The following CFAP57 variants were observed in gnomAD, a reference collection of about 807,000 sequenced individuals.
The protein encoded by CFAP57 is cilia and flagella associated protein 57, also known as cilia- and flagella-associated protein 57.
A neutral mutation model predicts 146.8 loss-of-function variants in CFAP57; 116 were observed. That is an observed-to-expected ratio of 0.79 (90% CI 0.68 to 0.92). CFAP57 has a LOEUF of 0.92. Ranked by LOEUF, CFAP57 falls within the 40% of genes least tolerant of loss-of-function variation. CFAP57 has a pLI of 0.00. For synonymous variants in CFAP57, 518 were observed against 552.8 expected (o/e 0.94, Z 0.88); for missense variants, 1,377 against 1,527.2 (o/e 0.90, Z 1.64).
At position 43,254,160 on chromosome 1, in the gene CFAP57, C is replaced by A. The variant is rs537854344; in HGVS notation, c.3722C>A (p.Ser1241Tyr). Residue 1241 changes from serine to tyrosine, a missense_variant, in exon 23 of 23, where the codon TCC becomes TAC. Transcript: ENST00000372492. ...AGVRLPSLSN[S>Y]EVDLEVKTN is the part of the protein sequence containing the mutation. ...GTTCGGCTTCCTTCCCTCTCCAACT[C>A]CGAGGTAGACTTAGAGGTGAAGACC... is the stretch of plus-strand genomic sequence containing the variant. 6.4e-7 allele frequency: 1 copy of A among 1,550,486 alleles called. No homozygotes were observed. The highest frequency in any genetic ancestry group is 1.4e-5 in the African/African-American group (1 of 73,148).
At chr1:43,207,177 T>C (rs1644394528) in intron 10 of CFAP57, among the ~76,000 whole-genome samples, 1 of 152,242 alleles carries the variant, frequency 6.6e-6, no homozygotes. Context: ...TTCATTTCCC[T>C]TTTACTTGCT....
chr1:43,254,351 T>G lies in CFAP57; in HGVS notation c.*160T>G. On this transcript the variant is annotated 3_prime_UTR_variant, in exon 23 of 23. Transcript: ENST00000372492. The stretch of plus-strand genomic sequence containing the variant: ...ATTTGGGACACAGAATAAAGGTGTT[T>G]GCCCACACCTTGTCTAACTTCTGCT... 1 of 630,256 alleles carries G rather than the reference T, an allele frequency of 1.6e-6. No homozygotes were observed. The highest frequency in any genetic ancestry group is 2.7e-6 in the Non-Finnish European group (1 of 376,824). The allele number at this position is 630,256 out of a possible 1,614,324, so 39.0% of individuals were successfully genotyped here. A position where few individuals can be genotyped will look rare whatever the true frequency, so the allele number is the denominator to read the frequency against.
intron 22 of CFAP57, chr1:43,250,383 A>G (rs1391263668): frequency 1.3e-5 from 2 of 152,214 alleles, no homozygotes; most frequent in African/African-American, 2.4e-5. Context: ...CCGGACTCCA[A>G]AGAACACTGG....
rs1008810163 is a variant in CFAP57 at position 43,181,632 on chromosome 1, A to G, written c.256A>G (p.Ile86Val). Residue 86 changes from isoleucine to valine, a missense_variant, in exon 3 of 23, where the codon ATT (isoleucine) becomes GTT (valine). Physicochemically the swap from Ile to Val is conservative, Grantham distance 29. Coordinates refer to ENST00000372492, the MANE Select transcript of CFAP57 (RefSeq NM_001378189.1). ...TGTGCAAGAAAAACCTGCCATCACC[A>G]TTTATGAATTGTCATCCATCCCTTG... Reference protein sequence around the residue: ...ETVQEKPAITIYELSSIPCRK... With the variant: ...ETVQEKPAITVYELSSIPCRK... The G allele has an allele frequency of 1.2e-6, 2 of 1,614,214 alleles. No homozygotes were observed. Among genetic ancestry groups the G allele is most frequent in the African/African-American group, 1.3e-5 (1 of 75,050 alleles).
intron 6 of CFAP57, among the ~76,000 whole-genome samples, chr1:43,193,688 T>C (rs150352316): frequency 2.0e-5 from 3 of 152,074 alleles, no homozygotes; most frequent in African/African-American, 7.2e-5. Flanking sequence ...CTATGAGTGT[T>C]ACAAACCCCA....
rs1644960521 is a variant in CFAP57 at position 43,219,432 on chromosome 1, G to A, written c.2142G>A (p.Glu714=). Residue 714 remains glutamate, a synonymous_variant, in exon 13 of 23, where the codon GAG becomes GAA. Transcript: ENST00000372492. ...LKTRVEELKM[E]NEYQLRLKDM... ...CTCGTGTGGAGGAATTAAAAATGGA[G>A]AATGAGTATCAACTCCGACTAAAGG... 1.3e-6 allele frequency: 2 copies of A among 1,550,680 alleles called. No homozygotes were observed. The highest frequency in any genetic ancestry group is 1.7e-6 in the Non-Finnish European group (2 of 1,147,004).
intron 21 of CFAP57, among the ~76,000 whole-genome samples, chr1:43,236,873 C>T (rs1373000905): frequency 2.0e-5 from 3 of 150,606 alleles, no homozygotes; most frequent in African/African-American, 7.4e-5. Context: ...CGGGCCACTG[C>T]ACTCCAGCCT....
At chr1:43,244,465 T>C (rs1015265241) in intron 22 of CFAP57, among the ~76,000 whole-genome samples, 2 of 152,204 alleles carry the variant, frequency 1.3e-5, no homozygotes, top group Non-Finnish European at 2.9e-5. Context: ...ATATATAAGA[T>C]TTTATGTATA....
chr1:43,247,074 AG>A (rs1462527669), intron 22 of CFAP57, among the ~76,000 whole-genome samples: 4 of 152,250 alleles, frequency 2.6e-5, no homozygotes, highest in Admixed American at 2.0e-4. Flanking sequence ...CCACTCAAAC[AG>A]TTCCACTTTC....
At position 43,254,314 on chromosome 1, in the gene CFAP57, T is replaced by G; in HGVS notation, c.*123T>G. On this transcript the variant is annotated 3_prime_UTR_variant, in exon 23 of 23. Transcript: ENST00000372492. ...CACTGACCCCAGCAACCTCTTTCTC[T>G]TGCCCTGGGGAATTTGGGACACAGA... 30 of 843,714 alleles carry G rather than the reference T, an allele frequency of 3.6e-5. No individual in the cohort carries two copies. Among genetic ancestry groups the G allele is most frequent in the East Asian group, 8.1e-5 (3 of 37,164 alleles). The allele number at this position is 843,714 out of a possible 1,614,324, so 52.3% of individuals were successfully genotyped here.
At position 43,238,047 on chromosome 1, in the gene CFAP57, G is replaced by A. The variant is rs1040366866; in HGVS notation, c.3405+3409G>A. Among the ~76,000 whole-genome samples, 2 of 152,330 alleles carry A rather than the reference G, an allele frequency of 1.3e-5. No homozygotes were observed. The highest frequency in any genetic ancestry group is 4.8e-5 in the African/African-American group (2 of 41,580). On this transcript the variant is annotated intron_variant, in intron 21 of 22. Coordinates refer to ENST00000372492, the MANE Select transcript of CFAP57 (RefSeq NM_001378189.1). This position sits in a 1 kb window ranked among gnomAD's most constrained non-coding sequence, Gnocchi z 4.3. ...TCAAAAGGCATTTCAGAGTAGAAATGACAAATAGAAATGTCAGGTTAGACA... is the reference window on the plus strand; with the variant it reads ...TCAAAAGGCATTTCAGAGTAGAAATAACAAATAGAAATGTCAGGTTAGACA...
At chr1:43,177,408 G>A (rs1340061149) in intron 2 of CFAP57, among the ~76,000 whole-genome samples, 2 of 152,174 alleles carry the variant, frequency 1.3e-5, no homozygotes, top group Non-Finnish European at 2.9e-5. Context: ...AGAAGGAGCA[G>A]GTTGGTTTTG....
In CFAP57 at chr1:43,243,332, G is replaced by A; in HGVS notation, c.3511G>A (p.Val1171Ile). ...LEAALKLTKK[V>I]RPQEVSETEP... The stretch of plus-strand genomic sequence containing the variant: ...AGCAGCTCTGAAACTGACCAAGAAA[G>A]TCCGACCACAAGAAGTTTCAGAGAC... The change falls in exon 22 of 23, where the codon GTC (valine) becomes ATC (isoleucine). Residue 1171 changes from valine (V) to isoleucine (I), a missense_variant. Coordinates refer to ENST00000372492, the MANE Select transcript of CFAP57 (RefSeq NM_001378189.1). 6.5e-7 allele frequency: 1 copy of A among 1,538,942 alleles called. No individual in the cohort carries two copies. Among genetic ancestry groups the A allele is most frequent in the Non-Finnish European group, 8.8e-7 (1 of 1,140,162 alleles).
chr1:43,188,953 A>G (rs961132799), intron 6 of CFAP57, among the ~76,000 whole-genome samples: 1 of 152,228 alleles, frequency 6.6e-6, no homozygotes, highest in African/African-American at 2.4e-5. Context: ...ATAGGGGTCC[A>G]ACTTCATTCT....
intron 9 of CFAP57, 32 bp from the exon 10 acceptor site, chr1:43,206,688 C>G: frequency 6.2e-7 from 1 of 1,612,036 alleles, no homozygotes; most frequent in Non-Finnish European, 8.5e-7. Flanking sequence ...TGTGTGTACA[C>G]TCTTCACTGG....
chr1:43,208,828 G>A (rs1426051606), intron 10 of CFAP57, among the ~76,000 whole-genome samples: 1 of 151,312 alleles, frequency 6.6e-6, no homozygotes, highest in Non-Finnish European at 1.5e-5. Context: ...AAATATGTGT[G>A]TAGGTGGGTG....
At chr1:43,183,240 T>C (rs998050115) in intron 3 of CFAP57, among the ~76,000 whole-genome samples, 3 of 152,236 alleles carry the variant, frequency 2.0e-5, no homozygotes, top group African/African-American at 7.2e-5. Context: ...TGTGGTTTCT[T>C]TCCTCTTGGA....
chr1:43,172,543 G>T, intron 1 of CFAP57, 90 bp downstream of exon 1: 2 of 1,153,670 alleles, frequency 1.7e-6, no homozygotes, highest in Non-Finnish European at 2.4e-6. Flanking sequence ...CGGGGGTGGG[G>T]TGGCGCGGAG....
At chr1:43,210,043 T>C in intron 11 of CFAP57, 127 bp downstream of exon 11, 2 of 1,614,098 alleles carry the variant, frequency 1.2e-6, no homozygotes, top group Non-Finnish European at 1.7e-6. Flanking sequence ...CCATCATTCA[T>C]TGAATCACCA....
Sources: allele counts gnomAD v4.1 joint callset (sites outside exome capture counted in the v4.1 genomes callset), GRCh38; gene constraint gnomAD v4.1.1; non-coding constraint Gnocchi (gnomAD v3.1); transcripts MANE v1.5; gene names NCBI Gene and HGNC (gene_info 2026-07-23, HGNC 2026-07-21).